The following CACUL1 variants were observed in gnomAD, a reference collection of about 807,000 sequenced individuals.
CACUL1 encodes the protein CDK2-associated and cullin domain-containing protein 1.
A neutral mutation model predicts 45.2 loss-of-function variants in CACUL1; 13 were observed. That is an observed-to-expected ratio of 0.29 (90% CI 0.19 to 0.46). The LOEUF is 0.46. Among genes scored for constraint, CACUL1 ranks in the 20% least tolerant of loss-of-function variants. CACUL1 has a pLI of 1.00. For missense variants in CACUL1, 421 were observed against 471.4 expected, an observed-to-expected ratio of 0.89 and a Z score of 0.99; for synonymous variants, 197 against 174.2, an observed-to-expected ratio of 1.13 and a Z score of -1.03.
Position 118,710,645 on chromosome 10 carries a change from G to GCACTCACTT in CACUL1, c.598-3067_598-3059dup, listed in dbSNP as rs1845475708. On this transcript the variant is annotated intron_variant, in intron 3 of 8. Transcript: ENST00000369151. ...CATGGCCCTTCAGTGGGGCCCCACT[G>GCACTCACTT]CACTCACTTCCCTCACTGGGTAGTC... Among the ~76,000 whole-genome samples, 3 of 152,112 alleles carry GCACTCACTT rather than the reference G, an allele frequency of 2.0e-5. No homozygotes were observed. The South Asian group carries it at 6.2e-4, about 32-fold the overall frequency.
At chr10:118,687,109 T>G (rs1845214869) in intron 7 of CACUL1, among the ~76,000 whole-genome samples, 1 of 152,204 alleles carries the variant, frequency 6.6e-6, no homozygotes, top group African/African-American at 2.4e-5. Flanking sequence ...CACACATTCC[T>G]GACCTTACCT....
At chr10:118,699,990 C>CA (rs1394700443) in intron 5 of CACUL1, among the ~76,000 whole-genome samples, 8 of 148,654 alleles carry the variant, frequency 5.4e-5, no homozygotes, top group South Asian at 2.1e-4. Context: ...CCCAGCCTTA[C>CA]AAAAAAAAAT....
chr10:118,743,419 GA>G (rs1287234799), intron 1 of CACUL1, among the ~76,000 whole-genome samples: 2 of 151,660 alleles, frequency 1.3e-5, no homozygotes, highest in Admixed American at 1.3e-4. Context: ...AAGTACCCAG[GA>G]AAAAAAGGGG....
chr10:118,690,092 G>C (rs1461795606), intron 7 of CACUL1, among the ~76,000 whole-genome samples: 1 of 152,168 alleles, frequency 6.6e-6, no homozygotes, highest in Non-Finnish European at 1.5e-5. Flanking sequence ...TTGAGGTCAG[G>C]AGATCGAGAC....
chr10:118,724,453 A>G lies in CACUL1; in HGVS notation c.597+4842T>C, dbSNP rs1845633150. 2.6e-5 allele frequency among the ~76,000 whole-genome samples: 4 copies of G among 152,184 alleles called. No individual in the cohort carries two copies. The South Asian group carries it at 8.3e-4, about 31-fold the overall frequency. ...CAATTATATGTCCACTACCAGACCC[A>G]GTAGAGTCATAGTTAAATAGGATAC... On this transcript the variant is annotated intron_variant, in intron 3 of 8. Transcript: ENST00000369151.
At chr10:118,703,585 A>G (rs981361129) in intron 4 of CACUL1, among the ~76,000 whole-genome samples, 10 of 152,192 alleles carry the variant, frequency 6.6e-5, no homozygotes, top group African/African-American at 2.4e-4. Context: ...ATAAATTCCT[A>G]GAGATACAAT....
At chr10:118,722,554 G>A (rs182617749) in intron 3 of CACUL1, among the ~76,000 whole-genome samples, 6 of 152,198 alleles carry the variant, frequency 3.9e-5, no homozygotes, top group Admixed American at 6.5e-5. Flanking sequence ...TAGCCATCTC[G>A]GTTATCAGTT....
At position 118,681,822 on chromosome 10, in the gene CACUL1, G is replaced by A. The variant is rs1845156570; in HGVS notation, c.*4306C>T. On this transcript the variant is annotated 3_prime_UTR_variant, in exon 9 of 9. Coordinates refer to ENST00000369151, the MANE Select transcript of CACUL1 (RefSeq NM_153810.5). ...GGGTCTTGGCCAGTGGAGGAAGGAAGGTGTCCAGGACTTTAGTTAATCAAC... is the reference window on the plus strand; with the variant it reads ...GGGTCTTGGCCAGTGGAGGAAGGAAAGTGTCCAGGACTTTAGTTAATCAAC... The A allele has an allele frequency of 6.6e-6, 1 of 152,272 alleles. No homozygotes were observed. Among genetic ancestry groups the A allele is most frequent in the Non-Finnish European group, 1.5e-5 (1 of 68,084 alleles). The allele number at this position is 152,272 out of a possible 1,614,324, so 9.4% of individuals were successfully genotyped here.
At chr10:118,704,947 T>C (rs563505560) in intron 4 of CACUL1, among the ~76,000 whole-genome samples, 1 of 152,354 alleles carries the variant, frequency 6.6e-6, no homozygotes, top group Admixed American at 6.5e-5. Flanking sequence ...CACATCAGCA[T>C]GGCCGAGCAA....
chr10:118,695,260 G>GT (rs765318952), intron 5 of CACUL1, 30 bp from the exon 6 acceptor site: 1 of 1,202,172 alleles, frequency 8.3e-7, no homozygotes, highest in Admixed American at 1.7e-5. Context: ...TAAAAAGAAT[G>GT]TAACACATAT....
chr10:118,720,754 G>T (rs1375099871), intron 3 of CACUL1, among the ~76,000 whole-genome samples: 1 of 152,088 alleles, frequency 6.6e-6, no homozygotes, highest in Non-Finnish European at 1.5e-5. Flanking sequence ...TCCTATGAAG[G>T]CACATGAAAA....
rs1375088299 is a variant in CACUL1, at chr10:118,683,380, G to C, written c.*2748C>G. On this transcript the variant is annotated 3_prime_UTR_variant, in exon 9 of 9. Coordinates refer to ENST00000369151, the MANE Select transcript of CACUL1 (RefSeq NM_153810.5). The stretch of plus-strand genomic sequence containing the variant: ...GGTAGAAAAACCATATACTGTACTG[G>C]CAAGAATACAAAAAAAAAAAAAAAA... 1.2e-5 allele frequency: 1 copy of C among 84,288 alleles called. No individual in the cohort carries two copies. Among genetic ancestry groups the C allele is most frequent in the East Asian group, 3.5e-4 (1 of 2,884 alleles). The allele number at this position is 84,288 out of a possible 1,614,324, so 5.2% of individuals were successfully genotyped here.
Position 118,676,419 on chromosome 10 carries a change from G to C in CACUL1, c.*9709C>G, listed in dbSNP as rs1845098478. 5 of 152,118 alleles carry C rather than the reference G, an allele frequency of 3.3e-5. No homozygotes were observed. The South Asian group carries it at 8.3e-4, about 25-fold the overall frequency. 9.4% of individuals were successfully genotyped at this position (152,118 alleles called of 1,614,324 possible). On this transcript the variant is annotated 3_prime_UTR_variant, in exon 9 of 9. Coordinates refer to ENST00000369151, the MANE Select transcript of CACUL1 (RefSeq NM_153810.5). ...CAGCAAAAACAAGTTACTGACATTG[G>C]AAAAGATGAAAATTTATTATAAAAA...
chr10:118,751,310 C>T (rs1256421598), intron 1 of CACUL1, among the ~76,000 whole-genome samples: 2 of 152,180 alleles, frequency 1.3e-5, no homozygotes, highest in African/African-American at 4.8e-5. Context: ...AAAAGTACTT[C>T]CCTGTCCCTA....
Position 118,725,516 on chromosome 10 carries a change from G to A in CACUL1, c.597+3779C>T, listed in dbSNP as rs547395780. Among the ~76,000 whole-genome samples, 6 of 152,132 alleles carry A rather than the reference G, an allele frequency of 3.9e-5. No homozygotes were observed. The East Asian group carries it at 9.7e-4, about 25-fold the overall frequency. Reference sequence around the variant, plus strand: ...TTAATAAGGACGAGAAAAGAGCCTGGTTTAAAAAAATTAAGGCAAAAGATA... The same window carrying A: ...TTAATAAGGACGAGAAAAGAGCCTGATTTAAAAAAATTAAGGCAAAAGATA... On this transcript the variant is annotated intron_variant, in intron 3 of 8. Transcript: ENST00000369151.
At chr10:118,721,311 G>A (rs1845597962) in intron 3 of CACUL1, among the ~76,000 whole-genome samples, 1 of 152,184 alleles carries the variant, frequency 6.6e-6, no homozygotes, top group African/African-American at 2.4e-5. Context: ...GATTTTATAT[G>A]CAAATTGGAG....
chr10:118,746,823 G>A (rs1845847267), intron 1 of CACUL1, among the ~76,000 whole-genome samples: 1 of 152,188 alleles, frequency 6.6e-6, no homozygotes, highest in Non-Finnish European at 1.5e-5. Flanking sequence ...ATGATCACAT[G>A]AAAAAGCCAA....
intron 1 of CACUL1, among the ~76,000 whole-genome samples, chr10:118,743,362 TA>T (rs953984437): frequency 6.6e-6 from 1 of 151,002 alleles, no homozygotes; most frequent in Non-Finnish European, 1.5e-5. Context: ...AAATAAACAC[TA>T]AAAAAGAACA....
chr10:118,744,254 C>T (rs368775411), intron 1 of CACUL1, among the ~76,000 whole-genome samples: 29 of 152,176 alleles, frequency 1.9e-4, no homozygotes, highest in African/African-American at 5.3e-4. Flanking sequence ...GGCATGGTGG[C>T]GCATGCTTGT....
Sources: allele counts gnomAD v4.1 joint callset (sites outside exome capture counted in the v4.1 genomes callset), GRCh38; gene constraint gnomAD v4.1.1; transcripts MANE v1.5; gene names NCBI Gene and HGNC (gene_info 2026-07-23, HGNC 2026-07-21).